Variants in NRXN1 observed in about 807,000 individuals in gnomAD.
The protein encoded by NRXN1 is neurexin-1.
Under a neutral mutation model 150.9 loss-of-function variants are expected in NRXN1, and 39 were observed. The observed-to-expected ratio is 0.26, with a 90% CI of 0.20 to 0.34. The LOEUF (loss-of-function observed/expected upper bound fraction) is 0.34, where lower values mean the gene tolerates loss of function less well. Ranked by LOEUF, NRXN1 falls within the 10% of genes least tolerant of loss-of-function variation. The pLI, the probability that NRXN1 is intolerant of heterozygous loss-of-function variation, is 1.00. For synonymous variants in NRXN1, 924 were observed against 757.0 expected (o/e 1.22, Z -3.62); for missense variants, 1,815 against 1,949.9 (o/e 0.93, Z 1.30).
chr2:50,018,935 TAATC>T (rs1171201766), intron 21 of NRXN1, among the ~76,000 whole-genome samples: 1 of 152,040 alleles, frequency 6.6e-6, no homozygotes, highest in Non-Finnish European at 1.5e-5. Context: ...AGAGAAAAAA[TAATC>T]AAGAAAATAT....
intron 17 of NRXN1, among the ~76,000 whole-genome samples, chr2:50,369,320 C>G (rs867989448): frequency 6.6e-6 from 1 of 151,926 alleles, no homozygotes; most frequent in African/African-American, 2.4e-5. Context: ...TTATTAAACA[C>G]TTCCACACTT....
At chr2:50,712,550 C>A (rs1211888495) in intron 5 of NRXN1, among the ~76,000 whole-genome samples, 1 of 152,146 alleles carries the variant, frequency 6.6e-6, no homozygotes, top group African/African-American at 2.4e-5. Context: ...ACTTTTCAGG[C>A]TTTTTAGATA....
chr2:50,328,000 TA>T (rs1169908806), intron 17 of NRXN1, among the ~76,000 whole-genome samples: 2 of 152,150 alleles, frequency 1.3e-5, no homozygotes, highest in Non-Finnish European at 2.9e-5. Flanking sequence ...TTATATTTTT[TA>T]TATGTGTATT....
At position 50,400,816 on chromosome 2, in the gene NRXN1, T is replaced by G. The variant is rs915573002; in HGVS notation, c.3364+64626A>C. Among the ~76,000 whole-genome samples, 5 of 152,192 alleles carry G rather than the reference T, an allele frequency of 3.3e-5. 1 individual carries two copies. The highest frequency in any genetic ancestry group is 5.9e-5 in the Non-Finnish European group (4 of 68,022). Reference sequence around the variant, plus strand: ...AGTGTATGTTTTATTTTTATAAGATTTGGTAGAAACTGAAGATATGAATAT... The same window carrying G: ...AGTGTATGTTTTATTTTTATAAGATGTGGTAGAAACTGAAGATATGAATAT... On this transcript the variant is annotated intron_variant, in intron 17 of 22. Coordinates refer to ENST00000401669, the MANE Select transcript of NRXN1 (RefSeq NM_001330078.2).
At chr2:50,153,956 A>G (rs2058855603) in intron 18 of NRXN1, among the ~76,000 whole-genome samples, 1 of 151,756 alleles carries the variant, frequency 6.6e-6, no homozygotes, top group Non-Finnish European at 1.5e-5. Context: ...CTAACACAGT[A>G]TGGGGAGTAG....
chr2:50,048,227 C>A (rs1274908288), intron 21 of NRXN1, among the ~76,000 whole-genome samples: 1 of 152,050 alleles, frequency 6.6e-6, no homozygotes, highest in African/African-American at 2.4e-5. Context: ...TTTTAAAATA[C>A]ACATCAAAGT....
At chr2:50,895,100 C>A (rs1017745866) in intron 5 of NRXN1, among the ~76,000 whole-genome samples, 5 of 152,110 alleles carry the variant, frequency 3.3e-5, no homozygotes, top group Non-Finnish European at 5.9e-5. Flanking sequence ...GAATAAATGA[C>A]AAATTATTCA....
At chr2:50,407,398 C>A (rs2082825040) in intron 17 of NRXN1, among the ~76,000 whole-genome samples, 1 of 152,130 alleles carries the variant, frequency 6.6e-6, no homozygotes, top group Non-Finnish European at 1.5e-5. Flanking sequence ...TGTAAACTAC[C>A]TCGCCTTCAG....
At chr2:50,910,981 T>C (rs950505249) in intron 5 of NRXN1, among the ~76,000 whole-genome samples, 1 of 152,002 alleles carries the variant, frequency 6.6e-6, no homozygotes, top group Non-Finnish European at 1.5e-5. Flanking sequence ...AAAATACTTG[T>C]CTGGTGTCCC....
intron 5 of NRXN1, chr2:50,917,761 C>G (rs1685423144): frequency 6.6e-6 from 1 of 151,574 alleles, no homozygotes; most frequent in Non-Finnish European, 1.5e-5. Context: ...TTCCCAGCCT[C>G]CAGACGTTTG....
chr2:50,187,198 G>A (rs565496116), intron 18 of NRXN1, among the ~76,000 whole-genome samples: 3 of 152,068 alleles, frequency 2.0e-5, no homozygotes, highest in African/African-American at 4.8e-5. Flanking sequence ...AAATTATTGC[G>A]ATCATGAATA....
rs1668020107 is a variant in NRXN1 at position 49,920,607 on chromosome 2, C to A, written c.*1337G>T. On this transcript the variant is annotated 3_prime_UTR_variant, in exon 23 of 23. Transcript: ENST00000401669. ...GTCATCAATACCTTGGCACAACCCT[C>A]TTCCTTCCTGCTTTTCAATTTGTCA... The A allele has an allele frequency of 6.6e-6, 1 of 152,516 alleles. No individual in the cohort carries two copies. Among genetic ancestry groups the A allele is most frequent in the Non-Finnish European group, 1.5e-5 (1 of 68,032 alleles). 9.4% of individuals were successfully genotyped at this position (152,516 alleles called of 1,614,324 possible).
intron 2 of NRXN1, among the ~76,000 whole-genome samples, chr2:50,944,900 A>T (rs1338486077): frequency 6.6e-6 from 1 of 152,240 alleles, no homozygotes; most frequent in African/African-American, 2.4e-5. Context: ...TTAACAGATG[A>T]GTGTCATTTA....
At chr2:50,218,633 A>G (rs1042635426) in intron 18 of NRXN1, among the ~76,000 whole-genome samples, 1 of 151,910 alleles carries the variant, frequency 6.6e-6, no homozygotes, top group Admixed American at 6.6e-5. Context: ...TCTAAGACAG[A>G]ATCTAAACTT....
intron 8 of NRXN1, chr2:50,616,520 A>G (rs146813549): frequency 6.6e-6 from 1 of 152,256 alleles, no homozygotes; most frequent in East Asian, 1.9e-4. Context: ...AAATGTGTAA[A>G]TTCGTGAGAG....
At chr2:50,871,096 A>G (rs1574777845) in intron 5 of NRXN1, among the ~76,000 whole-genome samples, 1 of 152,020 alleles carries the variant, frequency 6.6e-6, no homozygotes, top group African/African-American at 2.4e-5. Flanking sequence ...TTTGTTAATC[A>G]GAAAAGTCTA....
chr2:50,574,945 C>T (rs1671178167), intron 8 of NRXN1, among the ~76,000 whole-genome samples: 1 of 152,192 alleles, frequency 6.6e-6, no homozygotes, highest in African/African-American at 2.4e-5. Flanking sequence ...CACACAACGT[C>T]CCCCAGCAAT....
At chr2:50,871,254 T>C in intron 5 of NRXN1, among the ~76,000 whole-genome samples, 1 of 152,002 alleles carries the variant, frequency 6.6e-6, no homozygotes, top group Non-Finnish European at 1.5e-5. Flanking sequence ...ATTATCTTTA[T>C]AATTTATCAA....
chr2:49,998,415 A>G (rs1683345982), intron 21 of NRXN1, among the ~76,000 whole-genome samples: 1 of 152,226 alleles, frequency 6.6e-6, no homozygotes, highest in Non-Finnish European at 1.5e-5. Context: ...CCTTCAAGAT[A>G]GGGAGGATAT....
Sources: gnomAD v4.1 joint callset for allele counts (sites outside exome capture counted in the v4.1 genomes callset) on GRCh38, gnomAD v4.1.1 for gene constraint, MANE v1.5 for transcripts, NCBI Gene and HGNC (gene_info 2026-07-23, HGNC 2026-07-21) for gene names.